Variants in TTBK2 observed in about 807,000 individuals in gnomAD.
TTBK2 encodes the protein tau tubulin kinase 2.
A neutral mutation model predicts 110.8 loss-of-function variants in TTBK2; 28 were observed. That is an observed-to-expected ratio of 0.25 (90% CI 0.19 to 0.35). The LOEUF is 0.35. Ranked by LOEUF, TTBK2 falls within the 10% of genes least tolerant of loss-of-function variation. The pLI is 1.00. For missense variants in TTBK2, 1,369 were observed against 1,500.3 expected, an observed-to-expected ratio of 0.91 and a Z score of 1.45; for synonymous variants, 532 against 527.3, an observed-to-expected ratio of 1.01 and a Z score of -0.12.
At chr15:42,918,132 G>A (rs535677368) in intron 1 of TTBK2, among the ~76,000 whole-genome samples, 1 of 152,122 alleles carries the variant, frequency 6.6e-6, no homozygotes, top group Non-Finnish European at 1.5e-5. Context: ...CTGGAGTGCA[G>A]TGGAGCGATC....
At chr15:42,819,899 C>A (rs747921149) in intron 6 of TTBK2, among the ~76,000 whole-genome samples, 23 of 152,144 alleles carry the variant, frequency 1.5e-4, no homozygotes, top group Admixed American at 3.3e-4. Context: ...TATTTTCATT[C>A]CAGTAACTGT....
At chr15:42,791,479 C>T (rs1890680058) in intron 10 of TTBK2, among the ~76,000 whole-genome samples, 1 of 146,178 alleles carries the variant, frequency 6.8e-6, no homozygotes, top group Admixed American at 6.7e-5. Context: ...ATCTCATTTT[C>T]ATTCTCTCAG....
At chr15:42,764,394 C>A (rs1889255924) in intron 13 of TTBK2, among the ~76,000 whole-genome samples, 1 of 152,264 alleles carries the variant, frequency 6.6e-6, no homozygotes, top group Non-Finnish European at 1.5e-5. Context: ...AAATGGGACA[C>A]TCTCGCCCAA....
chr15:42,921,000 T>C (rs558669076), upstream of TTBK2, among the ~76,000 whole-genome samples: 1 of 152,290 alleles, frequency 6.6e-6, no homozygotes, highest in Admixed American at 6.5e-5. Flanking sequence ...GAATTGCCGC[T>C]ATCTTCAGGT....
At chr15:42,751,501 C>T (rs1286763329) in intron 14 of TTBK2, among the ~76,000 whole-genome samples, 2 of 152,176 alleles carry the variant, frequency 1.3e-5, no homozygotes, top group African/African-American at 4.8e-5. Flanking sequence ...CTTTGGGAGG[C>T]CAAGGCAGGT....
At chr15:42,767,372 C>T (rs913056498) in intron 13 of TTBK2, among the ~76,000 whole-genome samples, 2 of 151,682 alleles carry the variant, frequency 1.3e-5, no homozygotes, top group Admixed American at 1.3e-4. Context: ...GCTAGCAAGA[C>T]TAATAAAAAA....
chr15:42,807,766 T>C (rs183614540), intron 9 of TTBK2, among the ~76,000 whole-genome samples: 4 of 152,316 alleles, frequency 2.6e-5, no homozygotes, highest in Admixed American at 2.0e-4. Context: ...GTTATAATAT[T>C]CAGAATCTGA....
intron 14 of TTBK2, among the ~76,000 whole-genome samples, chr15:42,747,576 C>T (rs895472513): frequency 9.9e-5 from 15 of 152,194 alleles, no homozygotes; most frequent in African/African-American, 3.4e-4. Flanking sequence ...GTGCAGTTCA[C>T]AACAGGGTTC....
intron 1 of TTBK2, among the ~76,000 whole-genome samples, chr15:42,918,407 G>A (rs770756473): frequency 1.3e-5 from 2 of 151,768 alleles, no homozygotes; most frequent in Non-Finnish European, 2.9e-5. Context: ...CTCAGGATTC[G>A]AATCTGAAAG....
chr15:42,899,087 G>A (rs1175253027), intron 1 of TTBK2, among the ~76,000 whole-genome samples: 1 of 151,988 alleles, frequency 6.6e-6, no homozygotes, highest in East Asian at 1.9e-4. Context: ...CCACCTCCTG[G>A]GCTAAAGCAT....
intron 2 of TTBK2, among the ~76,000 whole-genome samples, chr15:42,875,061 C>T (rs1031933225): frequency 5.9e-5 from 9 of 152,046 alleles, no homozygotes; most frequent in African/African-American, 2.2e-4. Flanking sequence ...TTTAAAAACT[C>T]ATAAACAGTA....
chr15:42,892,739 G>C (rs1895508710), intron 1 of TTBK2, among the ~76,000 whole-genome samples: 1 of 148,778 alleles, frequency 6.7e-6, no homozygotes, highest in African/African-American at 2.5e-5. Flanking sequence ...GCCGGGCACG[G>C]TGGCTCACGC....
At chr15:42,783,303 G>A (rs1890255309) in intron 11 of TTBK2, 116 bp downstream of exon 11, 1 of 957,206 alleles carries the variant, frequency 1.0e-6, no homozygotes, top group Admixed American at 1.8e-5. Flanking sequence ...ACTCAGCAAG[G>A]AGGAGCCACA....
At chr15:42,857,017 C>T (rs961769699) in intron 3 of TTBK2, among the ~76,000 whole-genome samples, 1 of 151,298 alleles carries the variant, frequency 6.6e-6, no homozygotes, top group African/African-American at 2.4e-5. Flanking sequence ...GCTGAGATCA[C>T]GCCACTGCAC....
In TTBK2 at chr15:42,746,257, C is replaced by T. The variant is rs753785119; in HGVS notation, c.3273G>A (p.Arg1091=). 17 of 1,608,172 alleles carry T rather than the reference C, an allele frequency of 1.1e-5. No homozygotes were observed. The highest frequency in any genetic ancestry group is 1.4e-5 in the Non-Finnish European group (16 of 1,175,450). Residue 1091 remains arginine (R), a splice_region_variant and synonymous_variant, in exon 15 of 15, where the codon AGG becomes AGA. Coordinates refer to ENST00000267890, the MANE Select transcript of TTBK2 (RefSeq NM_173500.4). ...KPPTRPGVEA[R]LRRYKVLGSS... ...TCCCTAGGACTTTATATCTGCGTAGCCTTAAAAGAACAGAGAAAATATATT... is the reference window on the plus strand; with the variant it reads ...TCCCTAGGACTTTATATCTGCGTAGTCTTAAAAGAACAGAGAAAATATATT...
intron 1 of TTBK2, among the ~76,000 whole-genome samples, chr15:42,886,126 C>A (rs1895236426): frequency 6.6e-6 from 1 of 152,146 alleles, no homozygotes; most frequent in Non-Finnish European, 1.5e-5. Context: ...TCAGTCTCCA[C>A]CCCAAGCTCT....
chr15:42,895,364 G>A lies in TTBK2; in HGVS notation c.-67-16680C>T, dbSNP rs138556557. On this transcript the variant is annotated intron_variant, in intron 1 of 14. Coordinates refer to ENST00000267890, the MANE Select transcript of TTBK2 (RefSeq NM_173500.4). ...CATTGAGGGTACAGGGTAGGAAGTG[G>A]GTCAGGATCAACAAACTACCTATTG... 3.1e-3 allele frequency among the ~76,000 whole-genome samples: 473 copies of A among 152,084 alleles called. 2 individuals carry two copies. Among genetic ancestry groups the A allele is most frequent in the Non-Finnish European group, 5.7e-3 (385 of 67,998 alleles).
At chr15:42,866,916 A>G (rs1320937885) in intron 3 of TTBK2, among the ~76,000 whole-genome samples, 1 of 152,060 alleles carries the variant, frequency 6.6e-6, no homozygotes, top group East Asian at 1.9e-4. Context: ...AGGTGCTTGA[A>G]GGGGAATTTA....
chr15:42,846,842 G>A (rs944572393), intron 3 of TTBK2, among the ~76,000 whole-genome samples: 10 of 152,084 alleles, frequency 6.6e-5, no homozygotes, highest in African/African-American at 9.7e-5. Context: ...TAGAGATTAA[G>A]CTCTATAAAG....
Sources: allele counts gnomAD v4.1 joint callset (sites outside exome capture counted in the v4.1 genomes callset), GRCh38; gene constraint gnomAD v4.1.1; transcripts MANE v1.5; gene names NCBI Gene and HGNC (gene_info 2026-07-23, HGNC 2026-07-21).